ERBB4: variants seen among roughly 807,000 people sequenced by gnomAD.
ERBB4 encodes the protein erb-b2 receptor tyrosine kinase 4.
ERBB4 carries 42 observed loss-of-function variants against 158.0 expected under a neutral mutation model. The observed-to-expected ratio is 0.27, with a 90% CI of 0.21 to 0.34. The LOEUF (loss-of-function observed/expected upper bound fraction) is 0.34, where lower values mean the gene tolerates loss of function less well. Among genes scored for constraint, ERBB4 ranks in the 10% least tolerant of loss-of-function variants. The probability of loss-of-function intolerance (pLI) is 1.00; values close to 1 mark genes in which losing one functional copy is unlikely to be tolerated. For missense variants in ERBB4, 1,333 were observed against 1,624.1 expected, an observed-to-expected ratio of 0.82 and a Z score of 3.08; for synonymous variants, 583 against 558.7, an observed-to-expected ratio of 1.04 and a Z score of -0.61.
intron 1 of ERBB4, among the ~76,000 whole-genome samples, chr2:212,146,655 G>C (rs1263123187): frequency 6.6e-6 from 1 of 152,012 alleles, no homozygotes; most frequent in African/African-American, 2.4e-5. Context: ...TCCCTGAACA[G>C]CTAGGGGGCT....
intron 5 of ERBB4, among the ~76,000 whole-genome samples, chr2:211,743,571 C>A (rs1158152792): frequency 6.6e-6 from 1 of 152,106 alleles, no homozygotes; most frequent in Non-Finnish European, 1.5e-5. Context: ...TTATTTATTT[C>A]TTAAACCTTA....
In ERBB4 at chr2:211,993,884, C is replaced by T. The variant is rs186068543; in HGVS notation, c.235-46268G>A. On this transcript the variant is annotated intron_variant, in intron 2 of 27. Coordinates refer to ENST00000342788, the MANE Select transcript of ERBB4 (RefSeq NM_005235.3). ...AAAAAGAATTAGATTCAGTGTGCTA[C>T]AGGATAAAAAAGATAAAACTTACTT... is the stretch of plus-strand genomic sequence containing the variant. Among the ~76,000 whole-genome samples the T allele has an allele frequency of 2.5e-3, 381 of 151,088 alleles. 6 individuals are homozygous for T. The highest frequency in any genetic ancestry group is 3.4e-3 in the Middle Eastern group (1 of 294).
chr2:211,496,384 CTAA>C (rs1475914739), intron 20 of ERBB4, among the ~76,000 whole-genome samples: 1 of 151,930 alleles, frequency 6.6e-6, no homozygotes. Context: ...ATCTGTGCTC[CTAA>C]TAATCTCTGC....
intron 1 of ERBB4, among the ~76,000 whole-genome samples, chr2:212,144,369 C>G (rs1490222325): frequency 6.6e-6 from 1 of 152,084 alleles, no homozygotes; most frequent in African/African-American, 2.4e-5. Context: ...ACACTTGATC[C>G]AAAGTTATTT....
chr2:212,147,662 G>T (rs564418939), intron 1 of ERBB4, among the ~76,000 whole-genome samples: 3 of 152,248 alleles, frequency 2.0e-5, no homozygotes, highest in African/African-American at 7.2e-5. Context: ...ATAAATTGAG[G>T]ATGTATGTAT....
At chr2:211,392,593 CACACA>C (rs2062823583) in intron 25 of ERBB4, among the ~76,000 whole-genome samples, 3 of 144,288 alleles carry the variant, frequency 2.1e-5, no homozygotes, top group African/African-American at 7.5e-5. Context: ...CACACACACA[CACACA>C]CACCCCAATA....
chr2:211,411,305 C>CA (rs968854819), intron 25 of ERBB4, among the ~76,000 whole-genome samples: 9 of 151,622 alleles, frequency 5.9e-5, no homozygotes, highest in African/African-American at 2.2e-4. Context: ...AAAGACATTG[C>CA]AAAAAAAGGT....
At chr2:212,456,564 C>T (rs1229673173) in intron 1 of ERBB4, among the ~76,000 whole-genome samples, 2 of 137,224 alleles carry the variant, frequency 1.5e-5, no homozygotes, top group East Asian at 2.0e-4. Context: ...ATCTTCCTCT[C>T]TTAAAAAAAA....
intron 1 of ERBB4, among the ~76,000 whole-genome samples, chr2:212,225,730 A>G (rs965477234): frequency 7.9e-5 from 12 of 151,896 alleles, no homozygotes; most frequent in Non-Finnish European, 2.9e-5. Flanking sequence ...TTCCTATAGG[A>G]CACTTTTACT....
At chr2:212,233,476 T>C (rs900391145) in intron 1 of ERBB4, among the ~76,000 whole-genome samples, 3 of 152,180 alleles carry the variant, frequency 2.0e-5, no homozygotes, top group Non-Finnish European at 4.4e-5. Context: ...ATGGATATGT[T>C]TTTACTGAGT....
intron 1 of ERBB4, among the ~76,000 whole-genome samples, chr2:212,405,761 G>C (rs1186608423): frequency 6.6e-6 from 1 of 152,050 alleles, no homozygotes; most frequent in East Asian, 1.9e-4. Context: ...CACTTAGTAA[G>C]TACATAATGT....
At chr2:211,690,720 C>T (rs1327866423) in intron 12 of ERBB4, among the ~76,000 whole-genome samples, 3 of 152,092 alleles carry the variant, frequency 2.0e-5, no homozygotes, top group Non-Finnish European at 4.4e-5. Flanking sequence ...AAGAAATTTT[C>T]GATCAGCACC....
intron 1 of ERBB4, among the ~76,000 whole-genome samples, chr2:212,252,971 C>T (rs2084594148): frequency 6.6e-6 from 1 of 152,098 alleles, no homozygotes; most frequent in Non-Finnish European, 1.5e-5. Flanking sequence ...GGAAAATTTG[C>T]ATAACATCAT....
chr2:211,487,185 C>T (rs1352112769), intron 20 of ERBB4, among the ~76,000 whole-genome samples: 4 of 138,750 alleles, frequency 2.9e-5, no homozygotes, highest in Non-Finnish European at 6.1e-5. Flanking sequence ...TGTGATGTTC[C>T]CCTTCCTGTG....
chr2:211,725,320 GT>G, intron 5 of ERBB4, 126 bp from the exon 6 acceptor site: 7 of 739,484 alleles, frequency 9.5e-6, no homozygotes, highest in South Asian at 9.2e-5. Context: ...AATGAATGAG[GT>G]TTACAACTAG....
chr2:212,278,704 T>G (rs1484488411), intron 1 of ERBB4, among the ~76,000 whole-genome samples: 3 of 151,652 alleles, frequency 2.0e-5, no homozygotes, highest in Non-Finnish European at 3.0e-5. Context: ...GCACATTTGG[T>G]AGCTAGTATT....
chr2:211,605,466 C>T (rs2125822047), intron 19 of ERBB4, among the ~76,000 whole-genome samples: 1 of 152,172 alleles, frequency 6.6e-6, no homozygotes, highest in South Asian at 2.1e-4. Context: ...ATATGCCCTG[C>T]TGCAGTCCTA....
At chr2:211,935,701 C>T (rs547639368) in intron 3 of ERBB4, among the ~76,000 whole-genome samples, 1 of 152,188 alleles carries the variant, frequency 6.6e-6, no homozygotes, top group African/African-American at 2.4e-5. Context: ...TCTCAGCCTC[C>T]ATAATTGCAT....
chr2:212,065,139 G>T (rs570892646), intron 2 of ERBB4, among the ~76,000 whole-genome samples: 1 of 151,940 alleles, frequency 6.6e-6, no homozygotes, highest in South Asian at 2.1e-4. Flanking sequence ...CAAGAAAGTA[G>T]TTTCTCAACA....
Sources: gnomAD v4.1 joint callset for allele counts (sites outside exome capture counted in the v4.1 genomes callset) on GRCh38, gnomAD v4.1.1 for gene constraint, MANE v1.5 for transcripts, NCBI Gene and HGNC (gene_info 2026-07-23, HGNC 2026-07-21) for gene names.